SIPA1L1: variants seen among roughly 807,000 people sequenced by gnomAD.
The protein encoded by SIPA1L1 is signal induced proliferation associated 1 like 1.
SIPA1L1 carries 26 observed loss-of-function variants against 162.7 expected under a neutral mutation model. The observed-to-expected ratio is 0.16, with a 90% CI of 0.12 to 0.22. The LOEUF (loss-of-function observed/expected upper bound fraction) is 0.22, where lower values mean the gene tolerates loss of function less well. SIPA1L1 is among the 10% of genes least tolerant of loss of function. The pLI is 1.00. For synonymous variants in SIPA1L1, 829 were observed against 837.4 expected (o/e 0.99, Z 0.17); for missense variants, 1,874 against 2,241.0 (o/e 0.84, Z 3.31).
intron 2 of SIPA1L1, among the ~76,000 whole-genome samples, chr14:71,350,139 A>G (rs1342453903): frequency 6.6e-6 from 1 of 152,022 alleles, no homozygotes; most frequent in African/African-American, 2.4e-5. Context: ...AGACCTCGTG[A>G]TCTGCCTGCC....
At chr14:71,636,618 C>A (rs2041174733) in intron 7 of SIPA1L1, among the ~76,000 whole-genome samples, 1 of 152,098 alleles carries the variant, frequency 6.6e-6, no homozygotes, top group Non-Finnish European at 1.5e-5. Context: ...GTAATCTAAG[C>A]TCATAACCTT....
At chr14:71,511,699 C>T (rs557849944) in intron 2 of SIPA1L1, among the ~76,000 whole-genome samples, 15 of 152,222 alleles carry the variant, frequency 9.9e-5, no homozygotes, top group African/African-American at 3.1e-4. Flanking sequence ...TATATTAATA[C>T]GATGACTAGT....
At chr14:71,437,517 G>GT (rs1257219677) in intron 2 of SIPA1L1, among the ~76,000 whole-genome samples, 2 of 152,110 alleles carry the variant, frequency 1.3e-5, no homozygotes, top group African/African-American at 4.8e-5. Context: ...TTACAGGTGT[G>GT]TTTCACTTCA....
intron 2 of SIPA1L1, among the ~76,000 whole-genome samples, chr14:71,481,730 A>G (rs1484654669): frequency 6.6e-6 from 1 of 152,220 alleles, no homozygotes; most frequent in Non-Finnish European, 1.5e-5. Context: ...ATTAAAAATT[A>G]GTGAGGGGGA....
chr14:71,585,349 C>T (rs1343934532), intron 4 of SIPA1L1, among the ~76,000 whole-genome samples: 4 of 151,892 alleles, frequency 2.6e-5, no homozygotes, highest in African/African-American at 4.8e-5. Flanking sequence ...AACATTGAGT[C>T]GTTGTTATAT....
At chr14:71,582,864 A>G (rs2034126880) in intron 4 of SIPA1L1, among the ~76,000 whole-genome samples, 1 of 152,220 alleles carries the variant, frequency 6.6e-6, no homozygotes, top group African/African-American at 2.4e-5. Flanking sequence ...GCTGATTCAT[A>G]AATCTTAAAT....
intron 4 of SIPA1L1, among the ~76,000 whole-genome samples, chr14:71,582,031 C>A (rs142463313): frequency 1.4e-3 from 209 of 152,262 alleles, no homozygotes; most frequent in Non-Finnish European, 2.5e-3. Context: ...CCAGCTGTTG[C>A]ATCAATTTAC....
At chr14:71,712,405 A>C (rs567576973) in intron 17 of SIPA1L1, among the ~76,000 whole-genome samples, 43 of 152,356 alleles carry the variant, frequency 2.8e-4, no homozygotes, top group Middle Eastern at 3.4e-3. Context: ...TAATTGCTCT[A>C]AATTATTGCT....
At chr14:71,411,879 G>A (rs1245671021) in intron 2 of SIPA1L1, among the ~76,000 whole-genome samples, 2 of 152,186 alleles carry the variant, frequency 1.3e-5, no homozygotes, top group Non-Finnish European at 2.9e-5. Context: ...GCCACATATG[G>A]AAATCTTGTT....
At chr14:71,699,911 C>T (rs2081955206) in intron 14 of SIPA1L1, among the ~76,000 whole-genome samples, 1 of 152,210 alleles carries the variant, frequency 6.6e-6, no homozygotes, top group South Asian at 2.1e-4. Flanking sequence ...TTACTTAAAA[C>T]TCCTTCAAAT....
intron 17 of SIPA1L1, among the ~76,000 whole-genome samples, chr14:71,713,137 T>A (rs560535201): frequency 1.3e-5 from 2 of 152,180 alleles, no homozygotes; most frequent in South Asian, 2.1e-4. Context: ...GGAGGATCAT[T>A]TGTACCCAGG....
chr14:71,355,318 C>T (rs1373653498), intron 2 of SIPA1L1, among the ~76,000 whole-genome samples: 1 of 152,130 alleles, frequency 6.6e-6, no homozygotes, highest in Non-Finnish European at 1.5e-5. Context: ...TGCTTCCAGT[C>T]TGCTTTTAGT....
chr14:71,705,869 G>C lies in SIPA1L1; in HGVS notation c.3765+529G>C, dbSNP rs372576068. Among the ~76,000 whole-genome samples, 20 of 152,112 alleles carry C rather than the reference G, an allele frequency of 1.3e-4. No homozygotes were observed. The East Asian group carries it at 3.1e-3, about 24-fold the overall frequency. ...AATACACAATTCCTTCTCACTTACAGTAAAATTGGGAATATGAGGTTATCA... is the reference window on the plus strand; with the variant it reads ...AATACACAATTCCTTCTCACTTACACTAAAATTGGGAATATGAGGTTATCA... On this transcript the variant is annotated intron_variant, in intron 16 of 23. Transcript: ENST00000381232.
At chr14:71,636,879 C>T (rs775367366) in intron 7 of SIPA1L1, among the ~76,000 whole-genome samples, 12 of 151,830 alleles carry the variant, frequency 7.9e-5, no homozygotes, top group Non-Finnish European at 1.3e-4. Context: ...GGTGAAACCA[C>T]GACTCTACTA....
intron 2 of SIPA1L1, among the ~76,000 whole-genome samples, chr14:71,405,865 A>G (rs895538404): frequency 6.6e-6 from 1 of 152,238 alleles, no homozygotes; most frequent in Non-Finnish European, 1.5e-5. Context: ...GAATTTTTAC[A>G]TTCTTCACAT....
chr14:71,505,966 C>G, intron 2 of SIPA1L1, among the ~76,000 whole-genome samples: 1 of 148,006 alleles, frequency 6.8e-6, no homozygotes, highest in East Asian at 2.0e-4. Context: ...ATATTCCCCC[C>G]CCCCAAAAAA....
intron 2 of SIPA1L1, among the ~76,000 whole-genome samples, chr14:71,403,514 C>T (rs77342484): frequency 0.17 from 24,582 of 148,400 alleles, 2,613 homozygotes; most frequent in Middle Eastern, 0.35. Flanking sequence ...GCAGGAGAAT[C>T]GCTTGAACCC....
At chr14:71,537,400 TCAC>T (rs1172950711) in intron 4 of SIPA1L1, among the ~76,000 whole-genome samples, 1 of 152,062 alleles carries the variant, frequency 6.6e-6, no homozygotes, top group East Asian at 1.9e-4. Context: ...GGACAGGGTT[TCAC>T]CATATTGGCC....
At chr14:71,504,655 CT>C (rs1428760589) in intron 2 of SIPA1L1, among the ~76,000 whole-genome samples, 1 of 152,112 alleles carries the variant, frequency 6.6e-6, no homozygotes, top group Non-Finnish European at 1.5e-5. Context: ...AAAATGCAGC[CT>C]TCTAAACTAT....
Sources: gnomAD v4.1 joint callset for allele counts (sites outside exome capture counted in the v4.1 genomes callset) on GRCh38, gnomAD v4.1.1 for gene constraint, MANE v1.5 for transcripts, NCBI Gene and HGNC (gene_info 2026-07-23, HGNC 2026-07-21) for gene names.